The following PDE8A variants were observed in gnomAD, a reference collection of about 807,000 sequenced individuals.
The protein encoded by PDE8A is high affinity cAMP-specific and IBMX-insensitive 3',5'-cyclic phosphodiesterase 8A.
Under a neutral mutation model 105.0 loss-of-function variants are expected in PDE8A, and 59 were observed. The ratio of observed to expected loss-of-function variants is 0.56; its 90% CI spans 0.46 to 0.70. The LOEUF is 0.70. PDE8A is among the 30% of genes least tolerant of loss of function. PDE8A has a pLI of 0.00. For synonymous variants in PDE8A, 355 were observed against 371.9 expected (o/e 0.95, Z 0.52); for missense variants, 1,014 against 1,045.9 (o/e 0.97, Z 0.42).
At chr15:85,030,345 T>TAGCCACAGCCTCTTTGTCTCCC (rs2080593611) in intron 1 of PDE8A, among the ~76,000 whole-genome samples, 1 of 151,966 alleles carries the variant, frequency 6.6e-6, no homozygotes. Context: ...TATGATCTCC[T>TAGCCACAGCCTCTTTGTCTCCC]AGCCACAGCC....
intron 11 of PDE8A, among the ~76,000 whole-genome samples, chr15:85,102,555 A>G (rs2081881165): frequency 6.6e-6 from 1 of 151,514 alleles, no homozygotes; most frequent in South Asian, 2.1e-4. Context: ...GAAGAGTACC[A>G]TAGGGCTGGA....
chr15:85,015,115 C>T (rs1194424086), intron 1 of PDE8A, among the ~76,000 whole-genome samples: 1 of 152,154 alleles, frequency 6.6e-6, no homozygotes, highest in Non-Finnish European at 1.5e-5. Flanking sequence ...TCAGTTCCTC[C>T]TTCCTTTTTT....
intron 11 of PDE8A, among the ~76,000 whole-genome samples, chr15:85,103,079 G>A (rs2081891749): frequency 6.6e-6 from 1 of 151,812 alleles, no homozygotes; most frequent in South Asian, 2.1e-4. Flanking sequence ...AAAATTAGCC[G>A]GGTGTGGTGA....
At chr15:85,020,587 CTG>C (rs2080408753) in intron 1 of PDE8A, among the ~76,000 whole-genome samples, 1 of 152,166 alleles carries the variant, frequency 6.6e-6, no homozygotes, top group Non-Finnish European at 1.5e-5. Context: ...CTGAGCGAGA[CTG>C]TGTCTCAAAA....
At chr15:85,090,347 A>T (rs1263647225) in intron 7 of PDE8A, among the ~76,000 whole-genome samples, 1 of 152,254 alleles carries the variant, frequency 6.6e-6, no homozygotes, top group Non-Finnish European at 1.5e-5. Flanking sequence ...AGTGTTTACT[A>T]TAGTGCCCAG....
intron 11 of PDE8A, among the ~76,000 whole-genome samples, chr15:85,104,044 T>G (rs1221274340): frequency 6.6e-6 from 1 of 152,176 alleles, no homozygotes; most frequent in Admixed American, 6.5e-5. Flanking sequence ...TCCCAATACA[T>G]GCTCCCTTTT....
At position 85,101,494 on chromosome 15, in the gene PDE8A, G is replaced by A. The variant is rs576064341; in HGVS notation, c.1036+1296G>A. On this transcript the variant is annotated intron_variant, in intron 11 of 21. Coordinates refer to ENST00000394553, the MANE Select transcript of PDE8A (RefSeq NM_002605.3). ...TTGACTTGTATAAAAGGTCAATGGG[G>A]AAAGAGGTATTTGGGTCAATAAGAA... Among the ~76,000 whole-genome samples, 5 of 152,340 alleles carry A rather than the reference G, an allele frequency of 3.3e-5. No homozygotes were observed. In the South Asian group the frequency reaches 1.0e-3, roughly 32 times the overall value.
At chr15:85,109,179 C>T (rs749488520) in intron 12 of PDE8A, 49 bp downstream of exon 12, 1 of 1,279,508 alleles carries the variant, frequency 7.8e-7, no homozygotes, top group Non-Finnish European at 1.1e-6. Context: ...CACTGTTGAA[C>T]ACATGGAGCC....
chr15:85,011,327 T>C (rs1303978628), intron 1 of PDE8A, among the ~76,000 whole-genome samples: 1 of 152,194 alleles, frequency 6.6e-6, no homozygotes, highest in African/African-American at 2.4e-5. Context: ...TCTTGTGTAA[T>C]GTTGTTAGAA....
At chr15:85,126,131 G>A in intron 19 of PDE8A, 76 bp from the exon 20 acceptor site, 2 of 1,043,550 alleles carry the variant, frequency 1.9e-6, no homozygotes, top group South Asian at 1.8e-5. Flanking sequence ...TATGCTTACA[G>A]TGGGACAGAC....
intron 19 of PDE8A, among the ~76,000 whole-genome samples, chr15:85,125,135 G>A (rs1167615524): frequency 2.6e-5 from 4 of 152,114 alleles, no homozygotes; most frequent in South Asian, 4.1e-4. Context: ...AAGTGTCACC[G>A]GTGTAGTATT....
intron 1 of PDE8A, among the ~76,000 whole-genome samples, chr15:84,999,437 A>G (rs550315570): frequency 1.3e-5 from 2 of 151,822 alleles, no homozygotes; most frequent in Admixed American, 1.3e-4. Context: ...TTCCTTATTG[A>G]ACAATAAAAT....
At position 84,993,272 on chromosome 15, in the gene PDE8A, T is replaced by C. The variant is rs189688794; in HGVS notation, c.186+10924T>C. Among the ~76,000 whole-genome samples, 881 of 151,252 alleles carry C rather than the reference T, an allele frequency of 5.8e-3. 12 individuals are homozygous for C. The highest frequency in any genetic ancestry group is 0.019 in the African/African-American group (804 of 41,236). On this transcript the variant is annotated intron_variant, in intron 1 of 21. Transcript: ENST00000394553. ...TCCTGGCTAACACGGTGAAACCCCGTCTCTTCTAAAAATACAAAAAATTAG... is the reference window on the plus strand; with the variant it reads ...TCCTGGCTAACACGGTGAAACCCCGCCTCTTCTAAAAATACAAAAAATTAG...
intron 1 of PDE8A, among the ~76,000 whole-genome samples, chr15:85,060,860 A>C (rs2081133404): frequency 1.3e-5 from 2 of 152,194 alleles, no homozygotes; most frequent in African/African-American, 4.8e-5. Flanking sequence ...TTTTATAATT[A>C]TCCATGGTTT....
intron 1 of PDE8A, among the ~76,000 whole-genome samples, chr15:85,044,294 C>A (rs1427799409): frequency 6.6e-6 from 1 of 152,076 alleles, no homozygotes; most frequent in Non-Finnish European, 1.5e-5. Context: ...GGGTAACATA[C>A]ACAAGGTTCA....
intron 1 of PDE8A, among the ~76,000 whole-genome samples, chr15:85,013,647 A>G (rs2080275886): frequency 6.6e-6 from 1 of 152,252 alleles, no homozygotes; most frequent in Non-Finnish European, 1.5e-5. Flanking sequence ...TGCATAACAA[A>G]TTACCCCAAA....
intron 6 of PDE8A, among the ~76,000 whole-genome samples, chr15:85,087,581 G>A (rs2081575041): frequency 6.6e-6 from 1 of 152,072 alleles, no homozygotes; most frequent in Non-Finnish European, 1.5e-5. Context: ...ATCTTCTGAG[G>A]CCAGAGAATC....
At chr15:85,028,185 T>A (rs1327932742) in intron 1 of PDE8A, among the ~76,000 whole-genome samples, 1 of 152,218 alleles carries the variant, frequency 6.6e-6, no homozygotes, top group Non-Finnish European at 1.5e-5. Context: ...TGTAATTTGA[T>A]CTGCTAAATC....
chr15:85,100,294 G>A, intron 11 of PDE8A, 96 bp downstream of exon 11: 1 of 1,089,142 alleles, frequency 9.2e-7, no homozygotes, highest in Non-Finnish European at 1.4e-6. Flanking sequence ...GTAATGGTGG[G>A]ATTTTCCTCA....
Sources: allele counts gnomAD v4.1 joint callset (sites outside exome capture counted in the v4.1 genomes callset), GRCh38; gene constraint gnomAD v4.1.1; transcripts MANE v1.5; gene names NCBI Gene and HGNC (gene_info 2026-07-23, HGNC 2026-07-21).